FBP1: variants seen among roughly 807,000 people sequenced by gnomAD.
The protein encoded by FBP1 is fructose-bisphosphatase 1.
FBP1 carries 22 observed loss-of-function variants against 29.9 expected under a neutral mutation model. The ratio of observed to expected loss-of-function variants is 0.74; its 90% CI spans 0.53 to 1.05. FBP1 has a LOEUF of 1.05. Among genes scored for constraint, FBP1 ranks in the 50% least tolerant of loss-of-function variants. FBP1 has a pLI of 0.00. For missense variants in FBP1, 345 were observed against 448.2 expected, an observed-to-expected ratio of 0.77 and a Z score of 2.08; for synonymous variants, 175 against 178.6, an observed-to-expected ratio of 0.98 and a Z score of 0.16.
intron 2 of FBP1, 148 bp downstream of exon 2, chr9:94,620,181 G>T: frequency 1.2e-6 from 1 of 803,650 alleles, no homozygotes; most frequent in Non-Finnish European, 2.1e-6. Context: ...AGAGATGGCA[G>T]CAGTGAGGTG....
intron 4 of FBP1, among the ~76,000 whole-genome samples, chr9:94,607,893 G>T (rs1172119147): frequency 6.6e-6 from 1 of 152,054 alleles, no homozygotes; most frequent in Non-Finnish European, 1.5e-5. Flanking sequence ...ATTCACAGTG[G>T]CCATTGAAAG....
intron 3 of FBP1, among the ~76,000 whole-genome samples, chr9:94,611,682 G>A (rs1827788635): frequency 6.6e-6 from 1 of 152,190 alleles, no homozygotes; most frequent in African/African-American, 2.4e-5. Flanking sequence ...GAACCTGGGA[G>A]GTCGAGGCTG....
intron 1 of FBP1, among the ~76,000 whole-genome samples, chr9:94,621,398 A>AAAAAAAAATATATATATAT (rs58726402): frequency 7.5e-5 from 11 of 146,238 alleles, no homozygotes; most frequent in African/African-American, 2.9e-4. Context: ...TCCGTCTAAA[A>AAAAAAAAATATATATATAT]ATATATATAT....
At chr9:94,618,020 T>C (rs1827889579) in intron 2 of FBP1, among the ~76,000 whole-genome samples, 160 bp from the exon 3 acceptor site, 1 of 152,158 alleles carries the variant, frequency 6.6e-6, no homozygotes, top group Non-Finnish European at 1.5e-5. Flanking sequence ...GCATACAGAA[T>C]GCACAGATAC....
intron 1 of FBP1, among the ~76,000 whole-genome samples, chr9:94,622,047 C>A (rs754807769): frequency 6.6e-6 from 1 of 152,178 alleles, no homozygotes; most frequent in African/African-American, 2.4e-5. Context: ...CAGGCCAGGG[C>A]TCTCTTGGTG....
intron 4 of FBP1, among the ~76,000 whole-genome samples, chr9:94,608,039 A>G (rs769966514): frequency 6.6e-6 from 1 of 152,236 alleles, no homozygotes; most frequent in Non-Finnish European, 1.5e-5. Context: ...TCAAAAAACT[A>G]TATAGAAAAG....
chr9:94,618,841 A>G (rs1827901464), intron 2 of FBP1, among the ~76,000 whole-genome samples: 1 of 152,160 alleles, frequency 6.6e-6, no homozygotes, highest in African/African-American at 2.4e-5. Flanking sequence ...GTAGCTTAAA[A>G]TCAACGATGG....
chr9:94,606,816 G>T lies in FBP1; in HGVS notation c.704C>A (p.Pro235Gln), dbSNP rs201064471. The change falls in exon 5 of 7, where the codon CCA becomes CAA. Residue 235 changes from proline to glutamine, a missense_variant and splice_region_variant. By Grantham distance (76) the Pro-to-Gln change is moderately conservative. Coordinates refer to ENST00000375326, the MANE Select transcript of FBP1 (RefSeq NM_000507.4). Reference sequence around the variant, plus strand: ...CACCCTCCCCGGGCCCTCACTTACTGGGGGGAACTTCTTCCTCTGGATGTA... The same window carrying T: ...CACCCTCCCCGGGCCCTCACTTACTTGGGGGAACTTCTTCCTCTGGATGTA... ...TEYIQRKKFP[P>Q]DNSAPYGARY... The T allele has an allele frequency of 6.2e-7, 1 of 1,612,930 alleles. No homozygotes were observed. Among genetic ancestry groups the T allele is most frequent in the Non-Finnish European group, 8.5e-7 (1 of 1,179,176 alleles).
At chr9:94,637,656 G>T (rs186154048) in intron 1 of FBP1, among the ~76,000 whole-genome samples, 1 of 152,036 alleles carries the variant, frequency 6.6e-6, no homozygotes, top group Non-Finnish European at 1.5e-5. Context: ...CTCCCAAAGT[G>T]CTGGGATGAC....
intron 3 of FBP1, among the ~76,000 whole-genome samples, chr9:94,616,919 T>TCG (rs1827872423): frequency 6.7e-6 from 1 of 149,886 alleles, no homozygotes; most frequent in Non-Finnish European, 1.5e-5. Flanking sequence ...CTCTCTCTCC[T>TCG]CTCTCTCTCT....
chr9:94,614,268 C>T lies in FBP1; in HGVS notation c.426+3500G>A, dbSNP rs563300765. ...GAATAGTAGTAGTCGTGGCCGGGCGCGGTGGCTCACGCCTGTAATTCCAGC... is the reference window on the plus strand; with the variant it reads ...GAATAGTAGTAGTCGTGGCCGGGCGTGGTGGCTCACGCCTGTAATTCCAGC... On this transcript the variant is annotated intron_variant, in intron 3 of 6. Coordinates refer to ENST00000375326, the MANE Select transcript of FBP1 (RefSeq NM_000507.4). 2.1e-3 allele frequency among the ~76,000 whole-genome samples: 315 copies of T among 151,058 alleles called. 2 individuals are homozygous for T. The highest frequency in any genetic ancestry group is 7.0e-3 in the African/African-American group (289 of 41,218).
chr9:94,638,086 C>CA (rs11308338), intron 1 of FBP1, among the ~76,000 whole-genome samples: 2,601 of 110,172 alleles, frequency 0.024, 95 homozygotes, highest in African/African-American at 0.071. Context: ...AATTCCATCT[C>CA]AAAAAAAAAA....
At chr9:94,613,002 C>T (rs1319336012) in intron 3 of FBP1, among the ~76,000 whole-genome samples, 3 of 152,194 alleles carry the variant, frequency 2.0e-5, no homozygotes, top group Non-Finnish European at 4.4e-5. Context: ...GAGGCCACCA[C>T]CTGCTGTAGG....
At position 94,606,835 on chromosome 9, in the gene FBP1, G is replaced by A; in HGVS notation, c.685C>T (p.Gln229Ter). The change falls in exon 5 of 7, where the codon CAG becomes TAG. Residue 229 changes from glutamine to a stop codon, truncating the protein, a stop_gained. Transcript: ENST00000375326. LOFTEE classifies it high-confidence loss of function. ...CTTACTGGGGGGAACTTCTTCCTCT[G>A]GATGTACTCAGTGACGGCAGGGTCA... ...DFDPAVTEYI[Q>*]RKKFPPDNSA... is the part of the protein sequence containing the mutation. 1 of 1,613,900 alleles carries A rather than the reference G, an allele frequency of 6.2e-7. No individual in the cohort carries two copies.
At chr9:94,617,121 A>G (rs1827875872) in intron 3 of FBP1, among the ~76,000 whole-genome samples, 1 of 152,234 alleles carries the variant, frequency 6.6e-6, no homozygotes, top group Admixed American at 6.5e-5. Context: ...TTTATGGGCC[A>G]TACAGTCTCT....
chr9:94,627,844 C>A (rs967445849), intron 1 of FBP1, among the ~76,000 whole-genome samples: 3 of 152,188 alleles, frequency 2.0e-5, no homozygotes, highest in African/African-American at 7.2e-5. Flanking sequence ...CCTCCCCAGG[C>A]CAACTGTGCC....
intron 3 of FBP1, among the ~76,000 whole-genome samples, chr9:94,611,114 C>T (rs912343729): frequency 2.6e-5 from 4 of 152,110 alleles, no homozygotes; most frequent in Non-Finnish European, 5.9e-5. Flanking sequence ...CCACCTGCCT[C>T]GGCCTCCCAA....
At chr9:94,616,446 T>TAC (rs1827863922) in intron 3 of FBP1, among the ~76,000 whole-genome samples, 1 of 151,280 alleles carries the variant, frequency 6.6e-6, no homozygotes, top group South Asian at 2.1e-4. Context: ...TATATATATA[T>TAC]ACTTTTTTTT....
chr9:94,639,610 A>C (rs1828255581), upstream of FBP1: 1 of 509,230 alleles, frequency 2.0e-6, no homozygotes, highest in Non-Finnish European at 3.5e-6. Context: ...TACCCCGCGG[A>C]CCAGACCGCG....
Sources: gnomAD v4.1 joint callset for allele counts (sites outside exome capture counted in the v4.1 genomes callset) on GRCh38, gnomAD v4.1.1 for gene constraint, MANE v1.5 for transcripts, NCBI Gene and HGNC (gene_info 2026-07-23, HGNC 2026-07-21) for gene names.